The following DNAH6 variants were observed in gnomAD, a reference collection of about 807,000 sequenced individuals.
The protein encoded by DNAH6 is dynein axonemal heavy chain 6, also known as axonemal beta dynein heavy chain 6.
A neutral mutation model predicts 491.4 loss-of-function variants in DNAH6; 340 were observed. That is an observed-to-expected ratio of 0.69 (90% CI 0.63 to 0.76). The LOEUF (loss-of-function observed/expected upper bound fraction) is 0.76, where lower values mean the gene tolerates loss of function less well. Ranked by LOEUF, DNAH6 falls within the 30% of genes least tolerant of loss-of-function variation. The probability of loss-of-function intolerance (pLI) is 0.00; values close to 1 mark genes in which losing one functional copy is unlikely to be tolerated. For missense variants in DNAH6, 4,443 were observed against 4,972.2 expected (o/e 0.89, Z 3.20); for synonymous variants, 1,603 against 1,686.1 (o/e 0.95, Z 1.21).
chr2:84,537,878 A>G (rs1347416774), intron 4 of DNAH6, among the ~76,000 whole-genome samples: 1 of 152,092 alleles, frequency 6.6e-6, no homozygotes, highest in African/African-American at 2.4e-5. Flanking sequence ...GGGTGCTTTT[A>G]TAAGGCATAG....
In DNAH6 at chr2:84,805,630, A is replaced by T. The variant is rs1679342887; in HGVS notation, c.11482-35A>T. On this transcript the variant is annotated intron_variant, in intron 70 of 76. Transcript: ENST00000389394. Reference sequence around the variant, plus strand: ...TGCAAATTTGTTTTCTGAGAATTTGAGTCTTCACTGTTCTGTCTCTTATTG... The same window carrying T: ...TGCAAATTTGTTTTCTGAGAATTTGTGTCTTCACTGTTCTGTCTCTTATTG... 3 of 1,482,130 alleles carry T rather than the reference A, an allele frequency of 2.0e-6. No individual in the cohort carries two copies. In the South Asian group the frequency reaches 4.2e-5, roughly 21 times the overall value. 91.8% of individuals were successfully genotyped at this position (1,482,130 alleles called of 1,614,324 possible).
chr2:84,653,757 G>A lies in DNAH6; in HGVS notation c.5517G>A (p.Gly1839=), dbSNP rs1181572727. 1 of 1,551,292 alleles carries A rather than the reference G, an allele frequency of 6.4e-7. No individual in the cohort carries two copies. Among genetic ancestry groups the A allele is most frequent in the South Asian group, 1.2e-5 (1 of 84,054 alleles). ...SEDHKWIISD[G]PVDALWIENM... Reference sequence around the variant, plus strand: ...ACCATAAATGGATCATCAGTGATGGGCCAGTAGATGCTCTTTGGATTGAAA... The same window carrying A: ...ACCATAAATGGATCATCAGTGATGGACCAGTAGATGCTCTTTGGATTGAAA... Residue 1839 remains glycine (G), a synonymous_variant, in exon 34 of 77, where the codon GGG becomes GGA. Coordinates refer to ENST00000389394, the MANE Select transcript of DNAH6 (RefSeq NM_001370.2).
intron 4 of DNAH6, among the ~76,000 whole-genome samples, chr2:84,540,119 G>A (rs1190586379): frequency 1.3e-5 from 2 of 152,148 alleles, no homozygotes; most frequent in African/African-American, 2.4e-5. Context: ...CAGCCTTAAA[G>A]CAGGTAAGGA....
chr2:84,705,382 A>G (rs1696330027), intron 51 of DNAH6, 104 bp from the exon 52 acceptor site: 3 of 1,110,278 alleles, frequency 2.7e-6, no homozygotes, highest in South Asian at 4.1e-5. Context: ...GATTAAAATT[A>G]TCCACTTATT....
At chr2:84,497,310 G>A in the DNAH6 span, among the ~76,000 whole-genome samples, 11 of 151,602 alleles carry the variant, frequency 7.3e-5, no homozygotes, top group South Asian at 1.0e-3. Context: ...TTTTTTTTTC[G>A]TTCAGCTAAT....
chr2:84,769,981 G>C (rs1675458978), intron 64 of DNAH6, among the ~76,000 whole-genome samples: 1 of 152,152 alleles, frequency 6.6e-6, no homozygotes, highest in African/African-American at 2.4e-5. Context: ...GCCCAACCAG[G>C]AAGTGAAGGC....
At chr2:84,809,976 A>G (rs1332602103) in intron 72 of DNAH6, among the ~76,000 whole-genome samples, 3 of 152,172 alleles carry the variant, frequency 2.0e-5, no homozygotes, top group Admixed American at 1.3e-4. Flanking sequence ...ATGGGGTGCT[A>G]TGTGCCCAGC....
intron 22 of DNAH6, among the ~76,000 whole-genome samples, chr2:84,615,357 T>C (rs1686749544): frequency 6.6e-6 from 1 of 152,180 alleles, no homozygotes; most frequent in Non-Finnish European, 1.5e-5. Flanking sequence ...TATTTTGCTT[T>C]ATTTCCAGGT....
intron 21 of DNAH6, among the ~76,000 whole-genome samples, chr2:84,608,346 C>T (rs566458942): frequency 1.1e-3 from 77 of 72,882 alleles, no homozygotes; most frequent in African/African-American, 2.7e-3. Context: ...TCACTTTTCC[C>T]GGATCCATCA....
chr2:84,632,055 G>A (rs1688450994), intron 29 of DNAH6, among the ~76,000 whole-genome samples: 2 of 152,108 alleles, frequency 1.3e-5, no homozygotes, highest in South Asian at 4.1e-4. Flanking sequence ...GGTTATCTTT[G>A]GCCTGTAGGC....
intron 75 of DNAH6, among the ~76,000 whole-genome samples, chr2:84,814,894 T>C (rs1680342326): frequency 6.6e-6 from 1 of 152,192 alleles, no homozygotes. Context: ...AGGCCAGTAG[T>C]GTGGTGTGAA....
intron 64 of DNAH6, among the ~76,000 whole-genome samples, chr2:84,773,130 T>C (rs1449237378): frequency 6.6e-6 from 1 of 152,090 alleles, no homozygotes; most frequent in African/African-American, 2.4e-5. Flanking sequence ...CACGTGCATA[T>C]TGCATGTTGC....
At chr2:84,624,741 C>T in intron 28 of DNAH6, 121 bp downstream of exon 28, 1 of 1,273,660 alleles carries the variant, frequency 7.9e-7, no homozygotes, top group South Asian at 1.6e-5. Flanking sequence ...CTTTGTAAAG[C>T]AAATATTTGC....
At chr2:84,661,689 A>G (rs1238352193) in intron 37 of DNAH6, among the ~76,000 whole-genome samples, 1 of 152,226 alleles carries the variant, frequency 6.6e-6, no homozygotes, top group East Asian at 1.9e-4. Flanking sequence ...ATGGATTGAG[A>G]TACTATTATT....
In DNAH6 at chr2:84,641,926, G is replaced by A. The variant is rs755558651; in HGVS notation, c.4971-21G>A. On this transcript the variant is annotated intron_variant, in intron 32 of 76. Transcript: ENST00000389394. ...ACCTTATGTTCTTGTGATATTATCC[G>A]AAATATTCCTTTAAATTTAGATCTT... 2.9e-5 allele frequency: 45 copies of A among 1,533,506 alleles called. No individual in the cohort carries two copies. The Middle Eastern group carries it at 7.5e-4, about 25-fold the overall frequency. 95.0% of individuals were successfully genotyped at this position (1,533,506 alleles called of 1,614,324 possible). A position where few individuals can be genotyped will look rare whatever the true frequency, so the allele number is the denominator to read the frequency against.
chr2:84,729,904 G>A (rs180676734), intron 61 of DNAH6, among the ~76,000 whole-genome samples: 96 of 152,112 alleles, frequency 6.3e-4, no homozygotes, highest in Non-Finnish European at 9.9e-4. Flanking sequence ...TAAATTTTCT[G>A]GAATAACCTC....
chr2:84,784,003 A>C (rs1446158248), intron 65 of DNAH6, among the ~76,000 whole-genome samples: 2 of 152,224 alleles, frequency 1.3e-5, no homozygotes, highest in Non-Finnish European at 2.9e-5. Flanking sequence ...GCCAGTGCAA[A>C]GGCCCTAGTG....
intron 3 of DNAH6, among the ~76,000 whole-genome samples, 183 bp downstream of exon 3, chr2:84,525,921 C>T (rs781462892): frequency 6.6e-6 from 1 of 152,110 alleles, no homozygotes; most frequent in Non-Finnish European, 1.5e-5. Flanking sequence ...GGAAGAAAAT[C>T]ATAAAGGAAA....
chr2:84,478,540 T>C, the DNAH6 span, among the ~76,000 whole-genome samples: 1 of 152,150 alleles, frequency 6.6e-6, no homozygotes, highest in Non-Finnish European at 1.5e-5. Flanking sequence ...GTCAAGAACT[T>C]TGACCTCTCC....
Sources: allele counts gnomAD v4.1 joint callset (sites outside exome capture counted in the v4.1 genomes callset), GRCh38; gene constraint gnomAD v4.1.1; transcripts MANE v1.5; gene names NCBI Gene and HGNC (gene_info 2026-07-23, HGNC 2026-07-21).